Variants in RBBP8NL observed in about 807,000 individuals in gnomAD.
The protein encoded by RBBP8NL is RBBP8 N-terminal like, also known as RBBP8 N-terminal-like protein.
RBBP8NL carries 59 observed loss-of-function variants against 62.2 expected under a neutral mutation model. That is an observed-to-expected ratio of 0.95 (90% confidence interval 0.77 to 1.18). RBBP8NL has a LOEUF of 1.18. RBBP8NL is among the 50% of genes most tolerant of loss of function. The pLI, the probability that RBBP8NL is intolerant of heterozygous loss-of-function variation, is 0.00. For synonymous variants in RBBP8NL, 412 were observed against 394.1 expected (o/e 1.05, Z -0.54); for missense variants, 896 against 899.5 (o/e 1.00, Z 0.05).
intron 1 of RBBP8NL, among the ~76,000 whole-genome samples, chr20:62,426,778 AC>A (rs1988818229): frequency 6.6e-6 from 1 of 152,172 alleles, no homozygotes; most frequent in South Asian, 2.1e-4. Context: ...GCACTCGTGT[AC>A]CCCACACGCG....
Position 62,413,554 on chromosome 20 carries a change from A to G in RBBP8NL, c.1531-9T>C. On this transcript the variant is annotated splice_polypyrimidine_tract_variant and intron_variant, in intron 10 of 13. Transcript: ENST00000252998. ...AGTGGGCGTGAGGGGTCCTGGGGGG[A>G]GGCAAGTAGGTGGCTTGAGTTTATT... 2 of 1,510,022 alleles carry G rather than the reference A, an allele frequency of 1.3e-6. No homozygotes were observed. Among genetic ancestry groups the G allele is most frequent in the Non-Finnish European group, 8.8e-7 (1 of 1,134,326 alleles). 93.5% of individuals were successfully genotyped at this position (1,510,022 alleles called of 1,614,324 possible).
chr20:62,418,601 G>T, intron 2 of RBBP8NL, 136 bp from the exon 3 acceptor site: 3 of 894,014 alleles, frequency 3.4e-6, no homozygotes, highest in Non-Finnish European at 3.6e-6. Flanking sequence ...CCTGCCAGGT[G>T]AGCCCCTGTC....
rs201807836 is a variant in RBBP8NL, at chr20:62,414,511, C to T, written c.840G>A (p.Pro280=). ...SRPSAMTHEA[P]KLSPKVDRLC... is the part of the protein sequence containing the mutation. The stretch of plus-strand genomic sequence containing the variant: ...GCCGGTCCACCTTCGGGGAGAGCTT[C>T]GGGGCCTCATGGGTCATGGCGGAGG... Residue 280 remains proline (P), a synonymous_variant, in exon 10 of 14, where the codon CCG becomes CCA. Transcript: ENST00000252998. 4,508 of 1,447,386 alleles carry T rather than the reference C, an allele frequency of 3.1e-3. 8 individuals carry two copies. The highest frequency in any genetic ancestry group is 4.9e-3 in the Admixed American group (174 of 35,564). 89.7% of individuals were successfully genotyped at this position (1,447,386 alleles called of 1,614,324 possible). A position where few individuals can be genotyped will look rare whatever the true frequency, so the allele number is the denominator to read the frequency against.
chr20:62,412,089 G>A (rs1988447045), intron 13 of RBBP8NL, among the ~76,000 whole-genome samples: 1 of 152,256 alleles, frequency 6.6e-6, no homozygotes, highest in African/African-American at 2.4e-5. Context: ...ATTACTGGGA[G>A]GAGCTGGGTC....
chr20:62,425,862 G>C (rs1361488753), intron 1 of RBBP8NL, among the ~76,000 whole-genome samples: 1 of 152,278 alleles, frequency 6.6e-6, no homozygotes, highest in African/African-American at 2.4e-5. Flanking sequence ...GAGCAACGGT[G>C]ATGGCCACAG....
chr20:62,411,090 C>T, intron 13 of RBBP8NL, 94 bp from the exon 14 acceptor site: 1 of 794,220 alleles, frequency 1.3e-6, no homozygotes, highest in Non-Finnish European at 2.1e-6. Flanking sequence ...CTCCTCTGGG[C>T]ACGGGGAGCT....
intron 2 of RBBP8NL, among the ~76,000 whole-genome samples, chr20:62,419,278 G>A (rs1187923994): frequency 2.0e-5 from 3 of 152,200 alleles, no homozygotes; most frequent in Non-Finnish European, 2.9e-5. Context: ...TGGGGCCTGC[G>A]GGTGGCAGGT....
In RBBP8NL at chr20:62,413,945, G is replaced by A. The variant is rs1208389857; in HGVS notation, c.1406C>T (p.Ala469Val). 2.6e-5 allele frequency: 42 copies of A among 1,585,278 alleles called. No homozygotes were observed. The highest frequency in any genetic ancestry group is 3.5e-5 in the Non-Finnish European group (41 of 1,167,014). ...AGQHGSLSPA[A>V]AHTASPEPPT... ...TGGCTCGGGGCTGGCAGTGTGGGCA[G>A]CGGCAGGGCTGAGTGACCCATGCTG... is the stretch of plus-strand genomic sequence containing the variant. The change falls in exon 10 of 14, where the codon GCT (alanine) becomes GTT (valine). Residue 469 changes from alanine to valine, a missense_variant. Coordinates refer to ENST00000252998, the MANE Select transcript of RBBP8NL (RefSeq NM_080833.3).
At chr20:62,420,809 C>A (rs1289126003) in intron 1 of RBBP8NL, among the ~76,000 whole-genome samples, 1 of 152,248 alleles carries the variant, frequency 6.6e-6, no homozygotes, top group Non-Finnish European at 1.5e-5. Flanking sequence ...TGCCTGCCTC[C>A]CCTACCCACA....
chr20:62,413,689 C>A (rs1988487792), intron 10 of RBBP8NL, 132 bp downstream of exon 10: 5 of 1,411,630 alleles, frequency 3.5e-6, no homozygotes, highest in Non-Finnish European at 4.7e-6. Flanking sequence ...GATGAGGCAG[C>A]CTCGCTTTCT....
In RBBP8NL at chr20:62,411,008, G is replaced by A. The variant is rs930125936; in HGVS notation, c.1877-12C>T. Reference sequence around the variant, plus strand: ...TGGCTTTTTGGAGGCTATGGGAAGTGGCCGGAGGTCAGGCCGGAGCTGTGT... The same window carrying A: ...TGGCTTTTTGGAGGCTATGGGAAGTAGCCGGAGGTCAGGCCGGAGCTGTGT... On this transcript the variant is annotated splice_polypyrimidine_tract_variant and intron_variant, in intron 13 of 13. Transcript: ENST00000252998. 1.3e-6 allele frequency: 2 copies of A among 1,567,516 alleles called. No homozygotes were observed. Among genetic ancestry groups the A allele is most frequent in the Non-Finnish European group, 1.8e-6 (2 of 1,138,068 alleles).
chr20:62,423,569 G>A (rs1158377740), intron 1 of RBBP8NL, among the ~76,000 whole-genome samples: 5 of 152,122 alleles, frequency 3.3e-5, no homozygotes, highest in East Asian at 3.9e-4. Context: ...GGGCTGGGCC[G>A]ACGCCCATAA....
rs545958627 is a variant in RBBP8NL at position 62,412,620 on chromosome 20, G to C, written c.1876+4C>G. ...TCCCTGCACCTGCCCCATGCCAGCT[G>C]TACCTTTGTCCCCAGGCTCCGAGGC... is the stretch of plus-strand genomic sequence containing the variant. On this transcript the variant is annotated splice_donor_region_variant and intron_variant, in intron 13 of 13. Transcript: ENST00000252998. 1 of 1,603,098 alleles carries C rather than the reference G, an allele frequency of 6.2e-7. No individual in the cohort carries two copies. The highest frequency in any genetic ancestry group is 2.2e-5 in the East Asian group (1 of 44,874).
At chr20:62,418,140 G>A (rs903119383) in intron 3 of RBBP8NL, among the ~76,000 whole-genome samples, 1 of 152,216 alleles carries the variant, frequency 6.6e-6, no homozygotes, top group African/African-American at 2.4e-5. Context: ...CCAGCTCACC[G>A]TGAACGTATT....
Position 62,419,659 on chromosome 20 carries a change from G to T in RBBP8NL, c.-12C>A, listed in dbSNP as rs763385774. The T allele has an allele frequency of 3.1e-6, 5 of 1,612,480 alleles. No individual in the cohort carries two copies. The highest frequency in any genetic ancestry group is 4.2e-6 in the Non-Finnish European group (5 of 1,179,900). On this transcript the variant is annotated 5_prime_UTR_variant, in exon 2 of 14. Transcript: ENST00000252998. The stretch of plus-strand genomic sequence containing the variant: ...ATGAAGCTCTCCATGGCTCCCTGTG[G>T]CCCTGGCCCGGGCCCCTCTGCGCTG...
intron 6 of RBBP8NL, 67 bp from the exon 7 acceptor site, chr20:62,416,012 G>A (rs1017500683): frequency 3.4e-5 from 50 of 1,481,818 alleles, no homozygotes; most frequent in Admixed American, 4.2e-5. Context: ...CAGAAAAGCC[G>A]GGCCCACTCC....
Position 62,412,752 on chromosome 20 carries a change from A to G in RBBP8NL, c.1748T>C (p.Val583Ala), listed in dbSNP as rs910991897. 6.2e-7 allele frequency: 1 copy of G among 1,612,336 alleles called. No homozygotes were observed. Among genetic ancestry groups the G allele is most frequent in the African/African-American group, 1.3e-5 (1 of 74,898 alleles). ...LDETDTPGSE[V>A]GLSSQAEATT... is the part of the protein sequence containing the mutation. Reference sequence around the variant, plus strand: ...GGCCTCCGCCTGGGAGCTCAGGCCCACCTGGGGAGAAGGGGGTGTGGTCAC... The same window carrying G: ...GGCCTCCGCCTGGGAGCTCAGGCCCGCCTGGGGAGAAGGGGGTGTGGTCAC... The change falls in exon 13 of 14, where the codon GTG becomes GCG. Residue 583 changes from valine to alanine, a missense_variant and splice_region_variant. Val to Ala is a moderately conservative substitution (Grantham distance 64). Transcript: ENST00000252998.
At chr20:62,422,171 G>GGCAGC (rs1468437489) in intron 1 of RBBP8NL, among the ~76,000 whole-genome samples, 1 of 152,216 alleles carries the variant, frequency 6.6e-6, no homozygotes, top group Non-Finnish European at 1.5e-5. Context: ...CCTCGCCACG[G>GGCAGC]CCAGCCCAGC....
chr20:62,423,225 G>A lies in RBBP8NL; in HGVS notation c.-83-3495C>T, dbSNP rs142565211. 3.2e-3 allele frequency among the ~76,000 whole-genome samples: 492 copies of A among 152,250 alleles called. 2 individuals carry two copies. Among genetic ancestry groups the A allele is most frequent in the African/African-American group, 9.7e-3 (404 of 41,512 alleles). On this transcript the variant is annotated intron_variant, in intron 1 of 13. Coordinates refer to ENST00000252998, the MANE Select transcript of RBBP8NL (RefSeq NM_080833.3). ...ATCTTGACCACACCACGAAGACCTC[G>A]CTCCAGATGGGGAAACTGAGGCTCA... is the stretch of plus-strand genomic sequence containing the variant.
Sources: gnomAD v4.1 joint callset for allele counts (sites outside exome capture counted in the v4.1 genomes callset) on GRCh38, gnomAD v4.1.1 for gene constraint, MANE v1.5 for transcripts, NCBI Gene and HGNC (gene_info 2026-07-23, HGNC 2026-07-21) for gene names.